The following L2HGDH variants were observed in gnomAD, a reference collection of about 807,000 sequenced individuals.
L2HGDH encodes the protein L-2-hydroxyglutarate dehydrogenase, mitochondrial.
L2HGDH carries 34 observed loss-of-function variants against 51.5 expected under a neutral mutation model. The observed-to-expected ratio is 0.66, with a 90% CI of 0.50 to 0.88. L2HGDH has a LOEUF of 0.88. Ranked by LOEUF, L2HGDH falls within the 40% of genes least tolerant of loss-of-function variation. The pLI, the probability that L2HGDH is intolerant of heterozygous loss-of-function variation, is 0.00. For synonymous variants in L2HGDH, 198 were observed against 197.9 expected, an observed-to-expected ratio of 1.00 and a Z score of -0.01; for missense variants, 558 against 571.9, an observed-to-expected ratio of 0.98 and a Z score of 0.25.
At chr14:50,273,724 T>A (rs748988733) in intron 6 of L2HGDH, among the ~76,000 whole-genome samples, 2 of 151,946 alleles carry the variant, frequency 1.3e-5, no homozygotes, top group African/African-American at 2.4e-5. Context: ...CAGGTTAATA[T>A]CCAAAAAATG....
At chr14:50,277,814 A>AATAATG (rs1242963360) in intron 6 of L2HGDH, among the ~76,000 whole-genome samples, 5 of 138,680 alleles carry the variant, frequency 3.6e-5, no homozygotes, top group African/African-American at 1.4e-4. Context: ...TAATAATAAT[A>AATAATG]ATAATAATAA....
At chr14:50,269,435 T>C (rs1478668397) in intron 6 of L2HGDH, 105 bp from the exon 7 acceptor site, 1 of 1,152,812 alleles carries the variant, frequency 8.7e-7, no homozygotes, top group Non-Finnish European at 1.3e-6. Flanking sequence ...AAATAGAATT[T>C]TTTCTAAAAG....
chr14:50,284,486 TTTG>T (rs1272497527), intron 4 of L2HGDH, among the ~76,000 whole-genome samples: 7 of 152,022 alleles, frequency 4.6e-5, no homozygotes, highest in East Asian at 1.9e-4. Context: ...CCTGGATTTT[TTTG>T]TTTGTTTCTG....
At chr14:50,288,669 G>A (rs918522982) in intron 4 of L2HGDH, among the ~76,000 whole-genome samples, 1 of 152,216 alleles carries the variant, frequency 6.6e-6, no homozygotes, top group Non-Finnish European at 1.5e-5. Flanking sequence ...GACCTCAGAT[G>A]ATCCGCCTAC....
chr14:50,312,093 C>T lies in L2HGDH; in HGVS notation c.58G>A (p.Ala20Thr). 1.2e-6 allele frequency: 2 copies of T among 1,607,248 alleles called. No individual in the cohort carries two copies. Among genetic ancestry groups the T allele is most frequent in the Non-Finnish European group, 1.7e-6 (2 of 1,177,794 alleles). Reference protein sequence around the residue: ...GACGRARGLFAGGSPGACGFA... With the variant: ...GACGRARGLFTGGSPGACGFA... ...CCGCACGCCCCAGGGGAGCCACCGG[C>T]GAAAAGCCCGCGGGCCCGTCCGCAG... The change falls in exon 1 of 10, where the codon GCC (alanine) becomes ACC (threonine). Residue 20 changes from alanine to threonine, a missense_variant. Coordinates refer to ENST00000267436, the MANE Select transcript of L2HGDH (RefSeq NM_024884.3).
intron 6 of L2HGDH, among the ~76,000 whole-genome samples, chr14:50,277,774 AAATAATAATAATAATAATAATAAT>A (rs34552494): frequency 2.5e-4 from 34 of 133,524 alleles, no homozygotes; most frequent in African/African-American, 5.9e-4. Flanking sequence ...CTCCGTCTCA[AAATAATAATAATAATAATAATAAT>A]AATAATAATA....
chr14:50,254,701 G>A (rs553444212), intron 9 of L2HGDH, among the ~76,000 whole-genome samples: 1 of 152,020 alleles, frequency 6.6e-6, no homozygotes, highest in South Asian at 2.1e-4. Flanking sequence ...CTATACTCTT[G>A]TCCACATATT....
rs1887917010 is a variant in L2HGDH, at chr14:50,244,436, T to C, written c.*2622A>G. 2.0e-6 allele frequency: 2 copies of C among 985,138 alleles called. No individual in the cohort carries two copies. 61.0% of individuals were successfully genotyped at this position (985,138 alleles called of 1,614,324 possible). On this transcript the variant is annotated 3_prime_UTR_variant, in exon 10 of 10. Coordinates refer to ENST00000267436, the MANE Select transcript of L2HGDH (RefSeq NM_024884.3). Reference sequence around the variant, plus strand: ...TTTTTTGTAATTCAATGTTTACAACTTAGTATGTATGCAATCGTACTACTG... The same window carrying C: ...TTTTTTGTAATTCAATGTTTACAACCTAGTATGTATGCAATCGTACTACTG...
Position 50,245,178 on chromosome 14 carries a change from T to C in L2HGDH, c.*1880A>G, listed in dbSNP as rs1306248097. 2 of 985,426 alleles carry C rather than the reference T, an allele frequency of 2.0e-6. No homozygotes were observed. The highest frequency in any genetic ancestry group is 1.2e-6 in the Non-Finnish European group (1 of 829,922). 61.0% of individuals were successfully genotyped at this position (985,426 alleles called of 1,614,324 possible). ...GGAAAAATATCCCTATACAAGTTTA[T>C]AGGAGCCCTGAAAAATCAAGTACGT... On this transcript the variant is annotated 3_prime_UTR_variant, in exon 10 of 10. Transcript: ENST00000267436.
At chr14:50,269,036 T>G in intron 7 of L2HGDH, 127 bp downstream of exon 7, 2 of 749,038 alleles carry the variant, frequency 2.7e-6, no homozygotes, top group South Asian at 1.5e-5. Context: ...GAGAAACCGA[T>G]GAAATGCTTA....
chr14:50,299,222 A>G (rs948040040), intron 3 of L2HGDH, among the ~76,000 whole-genome samples: 1 of 152,190 alleles, frequency 6.6e-6, no homozygotes, highest in Non-Finnish European at 1.5e-5. Context: ...TAGAAAACTT[A>G]GAATAAATGA....
Position 50,246,793 on chromosome 14 carries a change from C to T in L2HGDH, c.*265G>A. 1 of 379,920 alleles carries T rather than the reference C, an allele frequency of 2.6e-6. No homozygotes were observed. Among genetic ancestry groups the T allele is most frequent in the South Asian group, 3.4e-5 (1 of 29,514 alleles). The allele number at this position is 379,920 out of a possible 1,614,324, so 23.5% of individuals were successfully genotyped here. ...CTGGAGTGCAGTGGTGCAATCTCAGCTCTCAGCTCACCTCCGTCTGCTCGG... is the reference window on the plus strand; with the variant it reads ...CTGGAGTGCAGTGGTGCAATCTCAGTTCTCAGCTCACCTCCGTCTGCTCGG... On this transcript the variant is annotated 3_prime_UTR_variant, in exon 10 of 10. Transcript: ENST00000267436.
chr14:50,242,927 T>A lies in L2HGDH; in HGVS notation c.*4131A>T. The A allele has an allele frequency of 2.0e-6, 2 of 985,448 alleles. No homozygotes were observed. The highest frequency in any genetic ancestry group is 2.4e-6 in the Non-Finnish European group (2 of 829,946). The allele number at this position is 985,448 out of a possible 1,614,324, so 61.0% of individuals were successfully genotyped here. A position where few individuals can be genotyped will look rare whatever the true frequency, so the allele number is the denominator to read the frequency against. On this transcript the variant is annotated 3_prime_UTR_variant, in exon 10 of 10. Transcript: ENST00000267436. ...ACCATGTCTCCTGTGTTTACAGGGA[T>A]AGCTCATAGGTACAGCCATCAGGGT...
intron 1 of L2HGDH, 127 bp downstream of exon 1, chr14:50,311,884 G>T: frequency 7.8e-7 from 1 of 1,289,488 alleles, no homozygotes; most frequent in Non-Finnish European, 1.1e-6. Context: ...CGAGGTTGGA[G>T]TGCCACAGGA....
In L2HGDH at chr14:50,277,050, C is replaced by T. The variant is rs761392717; in HGVS notation, c.738+1470G>A. On this transcript the variant is annotated intron_variant, in intron 6 of 9. Coordinates refer to ENST00000267436, the MANE Select transcript of L2HGDH (RefSeq NM_024884.3). Reference sequence around the variant, plus strand: ...AAATGTTCCCCGAGGAGTAAAATTGCCTCTAGTTGAGAACTACTAATCTAA... The same window carrying T: ...AAATGTTCCCCGAGGAGTAAAATTGTCTCTAGTTGAGAACTACTAATCTAA... Among the ~76,000 whole-genome samples the T allele has an allele frequency of 2.4e-4, 37 of 152,128 alleles. 1 individual carries two copies. The highest frequency in any genetic ancestry group is 1.0e-4 in the Non-Finnish European group (7 of 68,024).
At chr14:50,263,057 G>A (rs1889126297) in intron 9 of L2HGDH, among the ~76,000 whole-genome samples, 1 of 152,206 alleles carries the variant, frequency 6.6e-6, no homozygotes, top group Non-Finnish European at 1.5e-5. Flanking sequence ...TCTACCATAT[G>A]AAATCCAGTG....
At chr14:50,284,757 T>G (rs1890472007) in intron 4 of L2HGDH, among the ~76,000 whole-genome samples, 1 of 152,196 alleles carries the variant, frequency 6.6e-6, no homozygotes, top group Non-Finnish European at 1.5e-5. Context: ...CCCAAGAGGG[T>G]AGCCTGGTAT....
Position 50,244,397 on chromosome 14 carries a change from A to C in L2HGDH, c.*2661T>G, listed in dbSNP as rs1039402737. 2.0e-6 allele frequency: 2 copies of C among 985,236 alleles called. No homozygotes were observed. Among genetic ancestry groups the C allele is most frequent in the African/African-American group, 3.5e-5 (2 of 57,232 alleles). The allele number at this position is 985,236 out of a possible 1,614,324, so 61.0% of individuals were successfully genotyped here. A position where few individuals can be genotyped will look rare whatever the true frequency, so the allele number is the denominator to read the frequency against. ...ACTCAAATGGATTGAGGACTGCTTC[A>C]ATTAGGACAATCATTTTTTGTAATT... On this transcript the variant is annotated 3_prime_UTR_variant, in exon 10 of 10. Transcript: ENST00000267436.
chr14:50,279,936 T>C (rs1890170676), intron 5 of L2HGDH, among the ~76,000 whole-genome samples: 2 of 151,786 alleles, frequency 1.3e-5, no homozygotes, highest in African/African-American at 2.4e-5. Context: ...GGTGCATGCC[T>C]GTAATCCCAG....
Sources: gnomAD v4.1 joint callset for allele counts (sites outside exome capture counted in the v4.1 genomes callset) on GRCh38, gnomAD v4.1.1 for gene constraint, MANE v1.5 for transcripts, NCBI Gene and HGNC (gene_info 2026-07-23, HGNC 2026-07-21) for gene names.